The following NRXN3 variants were observed in gnomAD, a reference collection of about 807,000 sequenced individuals.
NRXN3 encodes neurexin 3.
In NRXN3, 32 loss-of-function variants were observed where a neutral mutation model predicts 137.6. The observed-to-expected ratio is 0.23, with a 90% CI of 0.18 to 0.31. The LOEUF is 0.31. Among genes scored for constraint, NRXN3 ranks in the 10% least tolerant of loss-of-function variants. The pLI is 1.00. For synonymous variants in NRXN3, 798 were observed against 784.5 expected, an observed-to-expected ratio of 1.02 and a Z score of -0.29; for missense variants, 1,574 against 2,062.5, an observed-to-expected ratio of 0.76 and a Z score of 4.59.
chr14:78,666,832 A>T (rs1356944889), intron 6 of NRXN3, among the ~76,000 whole-genome samples: 2 of 152,096 alleles, frequency 1.3e-5, no homozygotes, highest in African/African-American at 4.8e-5. Flanking sequence ...CTTTGGAAAC[A>T]TCCAGTGCCC....
intron 10 of NRXN3, among the ~76,000 whole-genome samples, chr14:78,912,948 C>T (rs1315177308): frequency 6.6e-6 from 1 of 152,024 alleles, no homozygotes; most frequent in Admixed American, 6.6e-5. Context: ...ATTCCTTGTT[C>T]CTTCGTTTAT....
At chr14:79,085,037 TGAGTCTA>T (rs918859577) in intron 15 of NRXN3, among the ~76,000 whole-genome samples, 5 of 152,158 alleles carry the variant, frequency 3.3e-5, no homozygotes, top group Non-Finnish European at 7.3e-5. Context: ...GGCACCTGCT[TGAGTCTA>T]GAGGGTTCCT....
At chr14:79,664,585 T>C (rs1232055336) in intron 17 of NRXN3, among the ~76,000 whole-genome samples, 1 of 152,118 alleles carries the variant, frequency 6.6e-6, no homozygotes, top group African/African-American at 2.4e-5. Context: ...AATCATCTGT[T>C]TAAATTTTAC....
At chr14:79,198,210 T>C (rs2065406582) in intron 15 of NRXN3, among the ~76,000 whole-genome samples, 1 of 152,226 alleles carries the variant, frequency 6.6e-6, no homozygotes, top group African/African-American at 2.4e-5. Flanking sequence ...CCTTATGTGC[T>C]CTTGTTTTGA....
chr14:78,189,991 A>G (rs1328861782), intron 1 of NRXN3, among the ~76,000 whole-genome samples: 1 of 152,170 alleles, frequency 6.6e-6, no homozygotes, highest in Non-Finnish European at 1.5e-5. Flanking sequence ...CGTGTTACAC[A>G]TGTGTTTATT....
chr14:79,356,645 T>C (rs1321977586), intron 15 of NRXN3, among the ~76,000 whole-genome samples: 1 of 152,220 alleles, frequency 6.6e-6, no homozygotes. Context: ...ATACAGTGCC[T>C]ATTGTGATAG....
At chr14:79,841,604 T>C (rs1022433) in intron 20 of NRXN3, among the ~76,000 whole-genome samples, 136,227 of 152,258 alleles carry the variant, frequency 0.89, 61,068 homozygotes, top group East Asian at 1. Context: ...TAACCAAGCA[T>C]GCTTTCACTG....
chr14:79,560,961 T>G (rs562856869), intron 16 of NRXN3, among the ~76,000 whole-genome samples: 4 of 152,272 alleles, frequency 2.6e-5, no homozygotes, highest in Admixed American at 2.0e-4. Context: ...TGGTGCCTCT[T>G]TATGAACCAG....
chr14:79,857,731 C>T (rs2099405839), intron 20 of NRXN3, among the ~76,000 whole-genome samples: 1 of 152,114 alleles, frequency 6.6e-6, no homozygotes, highest in African/African-American at 2.4e-5. Flanking sequence ...TACCTATTTT[C>T]ATTAGAATTG....
At chr14:79,048,898 C>G (rs2099637055) in intron 15 of NRXN3, among the ~76,000 whole-genome samples, 3 of 148,398 alleles carry the variant, frequency 2.0e-5, no homozygotes, top group African/African-American at 7.4e-5. Context: ...TGGCGCGTGC[C>G]TGTAGTCCCA....
At chr14:78,604,055 G>C (rs556467844) in intron 4 of NRXN3, among the ~76,000 whole-genome samples, 1 of 152,144 alleles carries the variant, frequency 6.6e-6, no homozygotes, top group South Asian at 2.1e-4. Flanking sequence ...AAGAGCAAAG[G>C]GATGTCTTAC....
chr14:79,068,604 G>A (rs1030706131), intron 15 of NRXN3, among the ~76,000 whole-genome samples: 6 of 151,996 alleles, frequency 3.9e-5, no homozygotes, highest in Non-Finnish European at 8.8e-5. Flanking sequence ...AATTAACATA[G>A]TATTTTAGCA....
At chr14:78,347,248 C>G (rs893947249) in intron 4 of NRXN3, among the ~76,000 whole-genome samples, 5 of 152,148 alleles carry the variant, frequency 3.3e-5, no homozygotes, top group Non-Finnish European at 7.4e-5. Context: ...TTTAAAACAG[C>G]AAAGGAGGAA....
rs76716377 is a variant in NRXN3, at chr14:78,657,489, C to T, written c.1221+6163C>T. Reference sequence around the variant, plus strand: ...CTGGACTCTCTCATCTCTCTTTTCTCATGGCATCTCTAATGGGGAGGAAGG... The same window carrying T: ...CTGGACTCTCTCATCTCTCTTTTCTTATGGCATCTCTAATGGGGAGGAAGG... On this transcript the variant is annotated intron_variant, in intron 6 of 20. Coordinates refer to ENST00000335750, the MANE Select transcript of NRXN3 (RefSeq NM_001330195.2). 8.5e-3 allele frequency among the ~76,000 whole-genome samples: 1,296 copies of T among 152,306 alleles called. 25 individuals carry two copies. The highest frequency in any genetic ancestry group is 0.03 in the African/African-American group (1,245 of 41,552).
At position 78,215,773 on chromosome 14, in the gene NRXN3, G is replaced by GC. The variant is rs386381902; in HGVS notation, c.-703-26618_-703-26617insC. 3.0e-5 allele frequency among the ~76,000 whole-genome samples: 4 copies of GC among 134,672 alleles called. 1 individual carries two copies. The South Asian group carries it at 8.7e-4, about 29-fold the overall frequency. 88.4% of individuals were successfully genotyped at this position (134,672 alleles called of 152,430 possible). A position where few individuals can be genotyped will look rare whatever the true frequency, so the allele number is the denominator to read the frequency against. On this transcript the variant is annotated intron_variant, in intron 1 of 20. Coordinates refer to ENST00000335750, the MANE Select transcript of NRXN3 (RefSeq NM_001330195.2). ...GTTTCGTTTGTGCTGCAGGGGGGTGGGGGGGGCAGGGGTTAGTTTGTGCAC... is the reference window on the plus strand; with the variant it reads ...GTTTCGTTTGTGCTGCAGGGGGGTGGCGGGGGGCAGGGGTTAGTTTGTGCAC...
chr14:79,106,429 T>C (rs1038584299), intron 15 of NRXN3, among the ~76,000 whole-genome samples: 1 of 151,860 alleles, frequency 6.6e-6, no homozygotes, highest in Non-Finnish European at 1.5e-5. Context: ...ATGTGCTTTC[T>C]CTTGATTCCT....
intron 4 of NRXN3, among the ~76,000 whole-genome samples, chr14:78,644,152 AAG>A (rs2097663471): frequency 6.6e-6 from 1 of 151,750 alleles, no homozygotes. Context: ...AAAAAAAAAA[AAG>A]GAAATAAAAA....
intron 4 of NRXN3, among the ~76,000 whole-genome samples, chr14:78,542,714 A>T: frequency 6.6e-6 from 1 of 152,160 alleles, no homozygotes; most frequent in Admixed American, 6.5e-5. Context: ...AACCAGTCCC[A>T]GTAAGATGAA....
At position 78,722,632 on chromosome 14, in the gene NRXN3, A is replaced by G. The variant is rs1322923468; in HGVS notation, c.2044+7493A>G. On this transcript the variant is annotated intron_variant, in intron 8 of 20. Coordinates refer to ENST00000335750, the MANE Select transcript of NRXN3 (RefSeq NM_001330195.2). ...TATGTTTGGTTCTTAATATATACTGAGTCATTTAACCCTCACATCCACTCT... is the reference window on the plus strand; with the variant it reads ...TATGTTTGGTTCTTAATATATACTGGGTCATTTAACCCTCACATCCACTCT... Among the ~76,000 whole-genome samples the G allele has an allele frequency of 7.9e-5, 12 of 152,278 alleles. No individual in the cohort carries two copies. The East Asian group carries it at 1.9e-3, about 25-fold the overall frequency.
Sources: gnomAD v4.1 joint callset for allele counts (sites outside exome capture counted in the v4.1 genomes callset) on GRCh38, gnomAD v4.1.1 for gene constraint, MANE v1.5 for transcripts, NCBI Gene and HGNC (gene_info 2026-07-23, HGNC 2026-07-21) for gene names.